MEF2C: variants seen among roughly 807,000 people sequenced by gnomAD.
MEF2C encodes the protein myocyte enhancer factor 2C, also known as myocyte-specific enhancer factor 2C.
A neutral mutation model predicts 50.5 loss-of-function variants in MEF2C; 6 were observed. The ratio of observed to expected loss-of-function variants is 0.12; its 90% CI spans 0.07 to 0.23. The LOEUF (loss-of-function observed/expected upper bound fraction) is 0.23, where lower values mean the gene tolerates loss of function less well. Among genes scored for constraint, MEF2C ranks in the 10% least tolerant of loss-of-function variants. The pLI is 1.00. For missense variants in MEF2C, 276 were observed against 605.0 expected (o/e 0.46, Z 5.70); for synonymous variants, 183 against 228.0 (o/e 0.80, Z 1.78).
chr5:88,751,255 C>G (rs1772584290), intron 5 of MEF2C: 1 of 985,234 alleles, frequency 1.0e-6, no homozygotes, highest in Admixed American at 6.2e-5. Context: ...TGAACAACAG[C>G]AAGTAAAAGT....
intron 1 of MEF2C, among the ~76,000 whole-genome samples, chr5:88,899,637 A>G (rs1835445889): frequency 6.6e-6 from 1 of 152,138 alleles, no homozygotes; most frequent in Non-Finnish European, 1.5e-5. Flanking sequence ...TCAAAAGCAG[A>G]TACCGGACAA....
intron 3 of MEF2C, among the ~76,000 whole-genome samples, chr5:88,803,418 T>C (rs1799147820): frequency 6.6e-6 from 1 of 152,230 alleles, no homozygotes; most frequent in Non-Finnish European, 1.5e-5. Flanking sequence ...GAGATGGATG[T>C]GGGAGGCATA....
chr5:88,829,612 T>C (rs538912456), intron 1 of MEF2C, among the ~76,000 whole-genome samples: 16 of 152,078 alleles, frequency 1.1e-4, no homozygotes, highest in Non-Finnish European at 2.4e-4. Context: ...AAAAATATTT[T>C]ACTATTTTTG....
At chr5:88,892,935 C>T (rs898139629) in intron 1 of MEF2C, among the ~76,000 whole-genome samples, 1 of 152,134 alleles carries the variant, frequency 6.6e-6, no homozygotes, top group Non-Finnish European at 1.5e-5. Flanking sequence ...AGGGGTAGCC[C>T]ACAGAATGCC....
chr5:88,843,462 T>C (rs1370968617), intron 1 of MEF2C: 1 of 985,022 alleles, frequency 1.0e-6, no homozygotes, highest in East Asian at 1.1e-4. Context: ...AGACCAATTA[T>C]TAGGCAGACA....
At chr5:88,852,562 A>G (rs1420346680) in intron 1 of MEF2C, among the ~76,000 whole-genome samples, 1 of 152,200 alleles carries the variant, frequency 6.6e-6, no homozygotes, top group African/African-American at 2.4e-5. Context: ...AAAATGGTGC[A>G]TGTGCTGCTC....
At chr5:88,762,091 T>A (rs550626630) in intron 3 of MEF2C, among the ~76,000 whole-genome samples, 39 of 152,092 alleles carry the variant, frequency 2.6e-4, no homozygotes, top group African/African-American at 8.4e-4. Flanking sequence ...CTAGCAAGGG[T>A]TCCTCCTAGT....
intron 3 of MEF2C, among the ~76,000 whole-genome samples, chr5:88,792,245 A>T (rs1263442983): frequency 3.9e-5 from 6 of 152,128 alleles, no homozygotes; most frequent in Non-Finnish European, 8.8e-5. Context: ...GTTAAAAAAA[A>T]ATACAGTATA....
chr5:88,835,548 A>G (rs1814737563), intron 1 of MEF2C, among the ~76,000 whole-genome samples: 1 of 152,114 alleles, frequency 6.6e-6, no homozygotes, highest in African/African-American at 2.4e-5. Context: ...GCAGTGGCTC[A>G]TGCCTGTAAT....
chr5:88,778,773 T>C (rs1423683782), intron 3 of MEF2C, among the ~76,000 whole-genome samples: 1 of 152,194 alleles, frequency 6.6e-6, no homozygotes, highest in African/African-American at 2.4e-5. Flanking sequence ...TAAGATGTGA[T>C]CTTCTAAAGT....
chr5:88,854,140 G>C (rs1049175229), intron 1 of MEF2C, among the ~76,000 whole-genome samples: 7 of 152,192 alleles, frequency 4.6e-5, no homozygotes, highest in Admixed American at 2.6e-4. Context: ...TATTTTTGGT[G>C]AGACCAAAGC....
intron 6 of MEF2C, chr5:88,737,471 A>G: frequency 1.0e-6 from 1 of 985,430 alleles, no homozygotes; most frequent in Non-Finnish European, 1.2e-6. Context: ...TGAAAAGTTG[A>G]AGTCTCTGAT....
At chr5:88,849,586 TA>T (rs2153376914) in intron 1 of MEF2C, among the ~76,000 whole-genome samples, 1 of 152,346 alleles carries the variant, frequency 6.6e-6, no homozygotes, top group South Asian at 2.1e-4. Flanking sequence ...GATTGGCCAT[TA>T]TTAAAGTTTT....
intron 3 of MEF2C, among the ~76,000 whole-genome samples, chr5:88,762,599 G>A (rs751419982): frequency 2.0e-5 from 3 of 151,492 alleles, no homozygotes; most frequent in Middle Eastern, 3.2e-3. Context: ...TTTTACTAAC[G>A]GTTGTCAACT....
intron 1 of MEF2C, among the ~76,000 whole-genome samples, chr5:88,869,296 C>CATAT (rs1561421061): frequency 4.8e-5 from 5 of 104,862 alleles, no homozygotes; most frequent in South Asian, 3.0e-4. Flanking sequence ...TATATATATA[C>CATAT]ACATATATAT....
chr5:88,851,539 T>C (rs954841228), intron 1 of MEF2C, among the ~76,000 whole-genome samples: 53 of 152,120 alleles, frequency 3.5e-4, no homozygotes, highest in Admixed American at 1.4e-3. Flanking sequence ...GTACAAGTAT[T>C]GGATGCAGAC....
At chr5:88,734,290 A>G in intron 6 of MEF2C, 1 of 985,390 alleles carries the variant, frequency 1.0e-6, no homozygotes, top group Non-Finnish European at 1.2e-6. Flanking sequence ...AGCCTGTGTG[A>G]GATCTGGTTT....
chr5:88,804,374 CA>C (rs1799510159), intron 3 of MEF2C, among the ~76,000 whole-genome samples: 1 of 152,176 alleles, frequency 6.6e-6, no homozygotes, highest in African/African-American at 2.4e-5. Flanking sequence ...TGATTTCTAG[CA>C]AAGACCAGAT....
intron 1 of MEF2C, chr5:88,824,818 G>A (rs148474500): frequency 7.8e-4 from 119 of 151,958 alleles, no homozygotes; most frequent in African/African-American, 2.7e-3. Context: ...ATTAAAATTA[G>A]AGAAATGATC....
Sources: allele counts gnomAD v4.1 joint callset (sites outside exome capture counted in the v4.1 genomes callset), GRCh38; gene constraint gnomAD v4.1.1; transcripts MANE v1.5; gene names NCBI Gene and HGNC (gene_info 2026-07-23, HGNC 2026-07-21).